Variants in MTA1 observed in about 807,000 individuals in gnomAD.
MTA1 encodes metastasis-associated protein MTA1.
MTA1 carries 15 observed loss-of-function variants against 97.0 expected under a neutral mutation model. The ratio of observed to expected loss-of-function variants is 0.15; its 90% CI spans 0.10 to 0.24. The LOEUF (loss-of-function observed/expected upper bound fraction) is 0.24. Ranked by LOEUF, MTA1 falls within the 10% of genes least tolerant of loss-of-function variation. MTA1 has a pLI of 1.00. For missense variants in MTA1, 709 were observed against 1,015.1 expected, an observed-to-expected ratio of 0.70 and a Z score of 4.10; for synonymous variants, 435 against 417.5, an observed-to-expected ratio of 1.04 and a Z score of -0.51.
chr14:105,429,132 T>A (rs2082096423), intron 1 of MTA1, among the ~76,000 whole-genome samples: 1 of 152,188 alleles, frequency 6.6e-6, no homozygotes, highest in African/African-American at 2.4e-5. Flanking sequence ...TCCCTCAGCC[T>A]TCGTAGAACT....
In MTA1 at chr14:105,432,378, T is replaced by C. The variant is rs60255124; in HGVS notation, c.29-6294T>C. ...GCCTCAGCCTCCCAAGTAGCTGGGA[T>C]TACAGGCACATGCCACCATGCCCGG... On this transcript the variant is annotated intron_variant, in intron 1 of 20. Coordinates refer to ENST00000331320, the MANE Select transcript of MTA1 (RefSeq NM_004689.4). 5.6e-3 allele frequency among the ~76,000 whole-genome samples: 848 copies of C among 152,244 alleles called. 9 individuals carry two copies. The highest frequency in any genetic ancestry group is 0.019 in the African/African-American group (791 of 41,536).
intron 7 of MTA1, among the ~76,000 whole-genome samples, chr14:105,457,509 C>T (rs1027950239): frequency 3.3e-5 from 5 of 152,258 alleles, no homozygotes; most frequent in African/African-American, 1.2e-4. Context: ...CCCAGAACCC[C>T]CTGGGGTGGA....
intron 2 of MTA1, among the ~76,000 whole-genome samples, chr14:105,444,651 C>T (rs372822943): frequency 3.3e-5 from 5 of 151,680 alleles, no homozygotes; most frequent in African/African-American, 9.7e-5. Context: ...ATTAGCTGGT[C>T]GTGGTGGCTC....
rs2083427427 is a variant in MTA1, at chr14:105,463,165, C to CA, written c.943-18dup. On this transcript the variant is annotated intron_variant, in intron 10 of 20. Transcript: ENST00000331320. The surrounding 1 kb of genome is among the most constrained non-coding windows in gnomAD (Gnocchi z 5.9). Reference sequence around the variant, plus strand: ...CTCCTGCCCCTTCCTGCTTGTGTGACACGCCTCCTCCCACCCAGCTCCCGT... The same window carrying CA: ...CTCCTGCCCCTTCCTGCTTGTGTGACAACGCCTCCTCCCACCCAGCTCCCGT... 1 of 1,609,944 alleles carries CA rather than the reference C, an allele frequency of 6.2e-7. No homozygotes were observed. Among genetic ancestry groups the CA allele is most frequent in the African/African-American group, 1.3e-5 (1 of 74,804 alleles).
chr14:105,469,828 A>AC lies in MTA1; in HGVS notation c.1846-8dup. The AC allele has an allele frequency of 6.3e-7, 1 of 1,597,004 alleles. No homozygotes were observed. The highest frequency in any genetic ancestry group is 8.5e-7 in the Non-Finnish European group (1 of 1,172,820). ...CCTTGGCTGGCTGCCCAGGAAGTGC[A>AC]CCCCCTCTGCAGGGACCAAGCCGGA... On this transcript the variant is annotated splice_polypyrimidine_tract_variant and intron_variant, in intron 19 of 20. Transcript: ENST00000331320.
chr14:105,463,892 A>G lies in MTA1; in HGVS notation c.1077-140A>G. On this transcript the variant is annotated intron_variant, in intron 12 of 20. Transcript: ENST00000331320. The surrounding 1 kb of genome is among the most constrained non-coding windows in gnomAD (Gnocchi z 5.9). ...GCTCCCAGGAACTGAAAGGGGAGAAAGGAAGATCCCTGCCGAGGCCGAGGG... is the reference window on the plus strand; with the variant it reads ...GCTCCCAGGAACTGAAAGGGGAGAAGGGAAGATCCCTGCCGAGGCCGAGGG... 1.2e-6 allele frequency: 1 copy of G among 801,528 alleles called. No individual in the cohort carries two copies. The highest frequency in any genetic ancestry group is 2.4e-4 in the Middle Eastern group (1 of 4,188). The allele number at this position is 801,528 out of a possible 1,614,324, so 49.7% of individuals were successfully genotyped here.
At chr14:105,437,018 G>A (rs1266123350) in intron 1 of MTA1, among the ~76,000 whole-genome samples, 3 of 152,360 alleles carry the variant, frequency 2.0e-5, no homozygotes, top group East Asian at 1.9e-4. Context: ...ACTGCTGTGC[G>A]TGTCCCCCGG....
At chr14:105,434,664 A>C (rs1461436459) in intron 1 of MTA1, among the ~76,000 whole-genome samples, 1 of 151,338 alleles carries the variant, frequency 6.6e-6, no homozygotes, top group Admixed American at 6.6e-5. Flanking sequence ...ACACCCAGCT[A>C]TTTTTTTTGT....
At position 105,466,755 on chromosome 14, in the gene MTA1, G is replaced by A; in HGVS notation, c.1813+13G>A. 1 of 1,569,800 alleles carries A rather than the reference G, an allele frequency of 6.4e-7. No homozygotes were observed. The highest frequency in any genetic ancestry group is 2.2e-4 in the Middle Eastern group (1 of 4,462). On this transcript the variant is annotated intron_variant, in intron 18 of 20. Transcript: ENST00000331320. Reference sequence around the variant, plus strand: ...ATGCCCAGTAGGGGTAAGGCCTGGAGCCGCGGGCGGGCGCTGCGCCGGCCC... The same window carrying A: ...ATGCCCAGTAGGGGTAAGGCCTGGAACCGCGGGCGGGCGCTGCGCCGGCCC...
intron 18 of MTA1, chr14:105,467,117 A>C: frequency 2.4e-6 from 1 of 408,938 alleles, no homozygotes; most frequent in Non-Finnish European, 4.6e-6. Context: ...CAGGCGGGAC[A>C]GTGGGGAGGG....
In MTA1 at chr14:105,424,423, G is replaced by A. The variant is rs1459947243; in HGVS notation, c.28+4360G>A. Reference sequence around the variant, plus strand: ...TCACTGTGTTAGCCAGTATGGTCTCGATCTCCTGACCTTGTGACCCACCCG... The same window carrying A: ...TCACTGTGTTAGCCAGTATGGTCTCAATCTCCTGACCTTGTGACCCACCCG... On this transcript the variant is annotated intron_variant, in intron 1 of 20. Transcript: ENST00000331320. The surrounding 1 kb of genome is among the most constrained non-coding windows in gnomAD (Gnocchi z 4.0). Among the ~76,000 whole-genome samples, 2 of 151,170 alleles carry A rather than the reference G, an allele frequency of 1.3e-5. No homozygotes were observed. Among genetic ancestry groups the A allele is most frequent in the Admixed American group, 1.3e-4 (2 of 15,178 alleles).
chr14:105,465,101 G>A lies in MTA1; in HGVS notation c.1542G>A (p.Ala514=), dbSNP rs782573859. Residue 514 remains alanine, a synonymous_variant, in exon 16 of 21, where the codon GCG becomes GCA. Coordinates refer to ENST00000331320, the MANE Select transcript of MTA1 (RefSeq NM_004689.4). ...NSAAIKAECT[A]RLPEASQSPL... is the part of the protein sequence containing the mutation. ...CCGTGTGGTACCCCGCAGGCACGGC[G>A]CGGCTGCCCGAAGCCTCCCAGAGCC... The A allele has an allele frequency of 2.1e-5, 32 of 1,514,972 alleles. No homozygotes were observed. The highest frequency in any genetic ancestry group is 2.7e-5 in the Non-Finnish European group (30 of 1,126,060). 93.8% of individuals were successfully genotyped at this position (1,514,972 alleles called of 1,614,324 possible). A position where few individuals can be genotyped will look rare whatever the true frequency, so the allele number is the denominator to read the frequency against.
intron 2 of MTA1, among the ~76,000 whole-genome samples, chr14:105,440,620 G>A (rs2082479727): frequency 2.0e-5 from 3 of 152,262 alleles, no homozygotes; most frequent in Admixed American, 6.5e-5. Context: ...CACGCTCAGA[G>A]GCGTCCCCTT....
In MTA1 at chr14:105,469,572, G is replaced by A. The variant is rs1555433813; in HGVS notation, c.1845+74G>A. ...CTCTGGGGTGTTGGGAAGAGGCCTG[G>A]CCAGCCCTGCCAGGTGCCACGTGGA... On this transcript the variant is annotated intron_variant, in intron 19 of 20. Transcript: ENST00000331320. The A allele has an allele frequency of 3.9e-6, 6 of 1,535,158 alleles. No individual in the cohort carries two copies. In the African/African-American group the frequency reaches 6.8e-5, roughly 17 times the overall value.
chr14:105,451,952 GGC>G (rs1470332236), intron 6 of MTA1, among the ~76,000 whole-genome samples: 21 of 152,006 alleles, frequency 1.4e-4, no homozygotes, highest in African/African-American at 4.8e-4. Flanking sequence ...CACCATGTCC[GGC>G]TAATTTTTTG....
chr14:105,466,257 T>C, intron 16 of MTA1, 169 bp from the exon 17 acceptor site: 2 of 625,356 alleles, frequency 3.2e-6, no homozygotes, highest in Non-Finnish European at 5.6e-6. Flanking sequence ...CTTCTGGTTC[T>C]GTGGTGACCT....
At chr14:105,437,929 T>G (rs2082383279) in intron 1 of MTA1, among the ~76,000 whole-genome samples, 1 of 152,206 alleles carries the variant, frequency 6.6e-6, no homozygotes, top group Non-Finnish European at 1.5e-5. Flanking sequence ...GTTCCGTGGC[T>G]CTCTGTCTGT....
Position 105,463,267 on chromosome 14 carries a change from G to A in MTA1, c.1017+9G>A, listed in dbSNP as rs782138109. The A allele has an allele frequency of 5.0e-6, 8 of 1,596,464 alleles. No homozygotes were observed. In the African/African-American group the frequency reaches 6.7e-5, roughly 13 times the overall value. ...ACAGATACGTGCAGCAGGTGAGCCC[G>A]CCCGCCACTCAGTGCCCGGGGTGTG... On this transcript the variant is annotated intron_variant, in intron 11 of 20. Transcript: ENST00000331320. The surrounding 1 kb of genome is among the most constrained non-coding windows in gnomAD (Gnocchi z 5.9).
chr14:105,458,224 G>A (rs781914410), intron 7 of MTA1, 46 bp from the exon 8 acceptor site: 31 of 1,555,422 alleles, frequency 2.0e-5, no homozygotes, highest in East Asian at 1.4e-4. Context: ...GCGGCCCGGC[G>A]CGCCGTGGGA....
Sources: gnomAD v4.1 joint callset for allele counts (sites outside exome capture counted in the v4.1 genomes callset) on GRCh38, gnomAD v4.1.1 for gene constraint, Gnocchi (gnomAD v3.1) non-coding constraint, MANE v1.5 for transcripts, NCBI Gene and HGNC (gene_info 2026-07-23, HGNC 2026-07-21) for gene names.